The following NRXN1 variants were observed in gnomAD, a reference collection of about 807,000 sequenced individuals.
NRXN1 encodes the protein neurexin-1.
Under a neutral mutation model 150.9 loss-of-function variants are expected in NRXN1, and 39 were observed. That is an observed-to-expected ratio of 0.26 (90% confidence interval 0.20 to 0.34). NRXN1 has a LOEUF of 0.34. Ranked by LOEUF, NRXN1 falls within the 10% of genes least tolerant of loss-of-function variation. The pLI is 1.00. For missense variants in NRXN1, 1,815 were observed against 1,949.9 expected (o/e 0.93, Z 1.30); for synonymous variants, 924 against 757.0 (o/e 1.22, Z -3.62).
intron 17 of NRXN1, among the ~76,000 whole-genome samples, chr2:50,252,233 C>CTTTTTTTTTTTCT (rs2067173937): frequency 1.4e-4 from 13 of 94,912 alleles, no homozygotes; most frequent in South Asian, 3.6e-4. Flanking sequence ...ACATTTTGTC[C>CTTTTTTTTTTTCT]TTTTTTTTTT....
At chr2:50,846,344 C>T (rs543981428) in intron 5 of NRXN1, among the ~76,000 whole-genome samples, 26 of 152,290 alleles carry the variant, frequency 1.7e-4, no homozygotes, top group African/African-American at 5.5e-4. Flanking sequence ...GAATGCTCCT[C>T]ACTCCAATCA....
chr2:50,849,789 G>A (rs188303396), intron 5 of NRXN1, among the ~76,000 whole-genome samples: 1 of 152,238 alleles, frequency 6.6e-6, no homozygotes, highest in East Asian at 1.9e-4. Context: ...ATTGAATAAT[G>A]TGGTCTTTCT....
intron 2 of NRXN1, among the ~76,000 whole-genome samples, chr2:50,995,429 AAT>A (rs1316644474): frequency 1.3e-5 from 2 of 151,488 alleles, no homozygotes; most frequent in Admixed American, 1.3e-4. Context: ...AAACAATACA[AAT>A]ATATCTACAC....
chr2:51,005,245 T>C (rs1700563861), intron 2 of NRXN1, among the ~76,000 whole-genome samples: 1 of 151,748 alleles, frequency 6.6e-6, no homozygotes, highest in Non-Finnish European at 1.5e-5. Context: ...TTATAATGCC[T>C]ATTCTTACTT....
At chr2:49,960,751 A>T (rs1046206746) in intron 21 of NRXN1, among the ~76,000 whole-genome samples, 1 of 152,194 alleles carries the variant, frequency 6.6e-6, no homozygotes, top group African/African-American at 2.4e-5. Flanking sequence ...TGCAAAAAAC[A>T]TCATTTTATC....
chr2:50,704,361 G>A (rs547133196), intron 5 of NRXN1, among the ~76,000 whole-genome samples: 2 of 151,590 alleles, frequency 1.3e-5, no homozygotes, highest in East Asian at 3.9e-4. Context: ...TAAATCAAAG[G>A]GAGTAGGAAG....
intron 18 of NRXN1, 133 bp from the exon 19 acceptor site, chr2:50,091,627 A>G: frequency 1.1e-6 from 1 of 886,390 alleles, no homozygotes; most frequent in Non-Finnish European, 1.8e-6. Context: ...CTTCTGAAAA[A>G]CTACATGTAG....
chr2:50,834,839 T>C lies in NRXN1; in HGVS notation c.832+87030A>G, dbSNP rs190987802. On this transcript the variant is annotated intron_variant, in intron 5 of 22. Transcript: ENST00000401669. Reference sequence around the variant, plus strand: ...GGAGCCTTTGTGGTGCTGAGGCAGATGGTCCTTAGTGCACGCCTTTAGAAA... The same window carrying C: ...GGAGCCTTTGTGGTGCTGAGGCAGACGGTCCTTAGTGCACGCCTTTAGAAA... 1.7e-3 allele frequency among the ~76,000 whole-genome samples: 252 copies of C among 152,272 alleles called. 1 individual carries two copies. Among genetic ancestry groups the C allele is most frequent in the African/African-American group, 5.6e-3 (234 of 41,554 alleles).
intron 18 of NRXN1, among the ~76,000 whole-genome samples, chr2:50,118,663 A>G (rs1277121374): frequency 6.6e-6 from 1 of 152,178 alleles, no homozygotes; most frequent in East Asian, 1.9e-4. Context: ...AGGCACTAAA[A>G]ATACCTTTGA....
intron 5 of NRXN1, among the ~76,000 whole-genome samples, chr2:50,793,801 G>A (rs1293768362): frequency 6.6e-6 from 1 of 152,056 alleles, no homozygotes; most frequent in African/African-American, 2.4e-5. Flanking sequence ...GGAACCCCCA[G>A]AGGACCCTCA....
intron 21 of NRXN1, among the ~76,000 whole-genome samples, chr2:50,027,633 G>C (rs951115959): frequency 6.6e-6 from 1 of 152,052 alleles, no homozygotes. Flanking sequence ...GTAGAGACAG[G>C]GTTTCCCAGC....
intron 5 of NRXN1, among the ~76,000 whole-genome samples, chr2:50,904,725 T>C (rs1683428919): frequency 6.6e-6 from 1 of 152,150 alleles, no homozygotes; most frequent in Non-Finnish European, 1.5e-5. Flanking sequence ...TTTTGCTGAG[T>C]TGAAATAAAC....
intron 17 of NRXN1, among the ~76,000 whole-genome samples, chr2:50,242,828 T>G (rs1267236790): frequency 6.6e-6 from 1 of 151,772 alleles, no homozygotes; most frequent in Non-Finnish European, 1.5e-5. Flanking sequence ...ATTGGAGAAT[T>G]AGACAGATTT....
At chr2:51,009,955 A>G (rs550505634) in intron 2 of NRXN1, among the ~76,000 whole-genome samples, 97 of 152,078 alleles carry the variant, frequency 6.4e-4, no homozygotes, top group Admixed American at 1.8e-3. Context: ...AGAATTATAC[A>G]AACTTTAAAT....
chr2:50,560,355 G>T (rs1212475011), intron 8 of NRXN1, among the ~76,000 whole-genome samples: 1 of 152,138 alleles, frequency 6.6e-6, no homozygotes, highest in African/African-American at 2.4e-5. Flanking sequence ...GAGTGGCTGC[G>T]GGAGGGCTAG....
At chr2:51,002,595 A>C (rs1157791347) in intron 2 of NRXN1, among the ~76,000 whole-genome samples, 1 of 151,924 alleles carries the variant, frequency 6.6e-6, no homozygotes, top group Non-Finnish European at 1.5e-5. Context: ...TGTACCTAGG[A>C]AGGAAGTTCC....
At chr2:50,895,792 C>T (rs982697875) in intron 5 of NRXN1, among the ~76,000 whole-genome samples, 3 of 151,914 alleles carry the variant, frequency 2.0e-5, no homozygotes, top group Admixed American at 6.6e-5. Flanking sequence ...GTCAGCCAGG[C>T]TTGTCCCAAA....
intron 2 of NRXN1, among the ~76,000 whole-genome samples, chr2:50,947,683 C>T (rs1194730128): frequency 6.6e-6 from 1 of 151,880 alleles, no homozygotes; most frequent in African/African-American, 2.4e-5. Context: ...TCATAATATT[C>T]CCTTACAGAG....
intron 21 of NRXN1, among the ~76,000 whole-genome samples, chr2:49,981,649 C>G (rs72887819): frequency 0.47 from 71,778 of 151,908 alleles, 17,610 homozygotes; most frequent in Middle Eastern, 0.63. Context: ...CTTCATAACC[C>G]TATGCATATG....
Sources: allele counts gnomAD v4.1 joint callset (sites outside exome capture counted in the v4.1 genomes callset), GRCh38; gene constraint gnomAD v4.1.1; transcripts MANE v1.5; gene names NCBI Gene and HGNC (gene_info 2026-07-23, HGNC 2026-07-21).